The following DNASE2B variants were observed in gnomAD, a reference collection of about 807,000 sequenced individuals.
DNASE2B encodes deoxyribonuclease 2 beta.
Under a neutral mutation model 46.0 loss-of-function variants are expected in DNASE2B, and 43 were observed. The ratio of observed to expected loss-of-function variants is 0.94; its 90% CI spans 0.73 to 1.21. The LOEUF is 1.21. Ranked by LOEUF, DNASE2B falls within the 50% of genes most tolerant of loss-of-function variation. The pLI, the probability that DNASE2B is intolerant of heterozygous loss-of-function variation, is 0.00. For synonymous variants in DNASE2B, 156 were observed against 152.5 expected (o/e 1.02, Z -0.17); for missense variants, 395 against 414.4 (o/e 0.95, Z 0.41).
rs1680660017 is a variant in DNASE2B, at chr1:84,414,572, T to C, written c.790T>C (p.Leu264=). Residue 264 remains leucine (L), a synonymous_variant, in exon 6 of 6, where the codon TTA becomes CTA. Transcript: ENST00000370665. The part of the protein sequence containing the change: ...WMAQRLKTHL[L]TETWQRKRQE... The stretch of plus-strand genomic sequence containing the variant: ...GGCTCAACGGCTGAAGACACACTTG[T>C]TAACAGAAACCTGGCAGCGAAAAAG... 5.0e-6 allele frequency: 8 copies of C among 1,614,024 alleles called. No homozygotes were observed. The highest frequency in any genetic ancestry group is 6.8e-6 in the Non-Finnish European group (8 of 1,179,958).
intron 2 of DNASE2B, among the ~76,000 whole-genome samples, chr1:84,406,610 T>TG (rs1271616389): frequency 1.3e-5 from 2 of 152,158 alleles, no homozygotes; most frequent in Non-Finnish European, 2.9e-5. Context: ...TGATTGGTTC[T>TG]GGGGGGAAAA....
At chr1:84,407,098 C>T (rs1179583791) in intron 2 of DNASE2B, among the ~76,000 whole-genome samples, 1 of 152,220 alleles carries the variant, frequency 6.6e-6, no homozygotes, top group South Asian at 2.1e-4. Flanking sequence ...CATCTACCTA[C>T]TCTTAAGTCC....
chr1:84,401,006 C>T (rs772451628), intron 1 of DNASE2B, among the ~76,000 whole-genome samples: 9 of 152,048 alleles, frequency 5.9e-5, no homozygotes, highest in Non-Finnish European at 1.3e-4. Context: ...GTTTGTGACA[C>T]TGTTGTATGG....
intron 2 of DNASE2B, among the ~76,000 whole-genome samples, chr1:84,405,515 T>A (rs1450273482): frequency 2.6e-5 from 4 of 152,200 alleles, no homozygotes; most frequent in African/African-American, 9.6e-5. Flanking sequence ...CATCTTCTTA[T>A]AATGTCATGA....
At chr1:84,410,636 G>C (rs1558502623) in intron 3 of DNASE2B, among the ~76,000 whole-genome samples, 1 of 152,112 alleles carries the variant, frequency 6.6e-6, no homozygotes, top group Non-Finnish European at 1.5e-5. Flanking sequence ...TTTCGTGGTG[G>C]CTTTTTATCA....
chr1:84,410,492 T>C (rs1680569152), intron 3 of DNASE2B, among the ~76,000 whole-genome samples: 2 of 152,222 alleles, frequency 1.3e-5, no homozygotes, highest in African/African-American at 4.8e-5. Context: ...ATCTAAATCT[T>C]GCTAGGTGAC....
chr1:84,412,522 G>C lies in DNASE2B; in HGVS notation c.721G>C (p.Ala241Pro), dbSNP rs1290565928. ...SAQGQKFLHFAKSDSFLDDIF... is the reference protein window; with the variant it reads ...SAQGQKFLHFPKSDSFLDDIF... ...CCAGGGACAAAAATTCCTCCATTTT[G>C]CAAAGTCGGATTCTTTTCTTGACGG... The change falls in exon 5 of 6, where the codon GCA becomes CCA. Residue 241 changes from alanine to proline, a missense_variant. Ala to Pro is a conservative substitution (Grantham distance 27, BLOSUM62 -1). Transcript: ENST00000370665. 3.1e-6 allele frequency: 5 copies of C among 1,611,288 alleles called. No homozygotes were observed. The highest frequency in any genetic ancestry group is 4.2e-6 in the Non-Finnish European group (5 of 1,178,700).
At chr1:84,402,770 A>G (rs1680442808) in intron 2 of DNASE2B, among the ~76,000 whole-genome samples, 1 of 152,226 alleles carries the variant, frequency 6.6e-6, no homozygotes, top group African/African-American at 2.4e-5. Flanking sequence ...AGGAGTGGCA[A>G]GTAAAATCAA....
chr1:84,408,330 G>A, intron 2 of DNASE2B, 107 bp from the exon 3 acceptor site: 1 of 1,369,546 alleles, frequency 7.3e-7, no homozygotes, highest in South Asian at 2.0e-5. Flanking sequence ...GACTTCTCAT[G>A]TGTATTAATG....
chr1:84,401,031 T>C (rs1680394315), intron 1 of DNASE2B, among the ~76,000 whole-genome samples: 1 of 152,156 alleles, frequency 6.6e-6, no homozygotes, highest in Admixed American at 6.5e-5. Flanking sequence ...AGTGTATATA[T>C]TATAATGTTT....
At chr1:84,402,807 ATG>A (rs777149575) in intron 2 of DNASE2B, among the ~76,000 whole-genome samples, 20 of 152,232 alleles carry the variant, frequency 1.3e-4, no homozygotes, top group Non-Finnish European at 2.6e-4. Flanking sequence ...AATTATACTC[ATG>A]TATGCATTTC....
chr1:84,408,185 C>A, intron 2 of DNASE2B: 1 of 321,372 alleles, frequency 3.1e-6, no homozygotes, highest in Non-Finnish European at 5.2e-6. Context: ...ATTGCCCTCA[C>A]ACACAGATCA....
chr1:84,412,068 G>A (rs1173633036), intron 4 of DNASE2B, among the ~76,000 whole-genome samples: 1 of 152,150 alleles, frequency 6.6e-6, no homozygotes, highest in Non-Finnish European at 1.5e-5. Flanking sequence ...ATAAAGTAAA[G>A]ATAATGATAA....
At chr1:84,403,403 GA>G (rs1196003112) in intron 2 of DNASE2B, among the ~76,000 whole-genome samples, 1 of 152,152 alleles carries the variant, frequency 6.6e-6, no homozygotes, top group East Asian at 1.9e-4. Context: ...GTAAGCTAGA[GA>G]AAGGAAAATG....
intron 2 of DNASE2B, 120 bp downstream of exon 2, chr1:84,402,198 G>C: frequency 2.1e-6 from 2 of 935,534 alleles, no homozygotes; most frequent in Non-Finnish European, 1.5e-6. Flanking sequence ...CTTGAAGTGA[G>C]CTAGCTCAGG....
chr1:84,400,416 T>TC (rs1680384806), intron 1 of DNASE2B, among the ~76,000 whole-genome samples: 1 of 152,040 alleles, frequency 6.6e-6, no homozygotes, highest in Admixed American at 6.6e-5. Context: ...AGAAATAATT[T>TC]TAGGCTTCTG....
At chr1:84,406,613 G>A (rs771987104) in intron 2 of DNASE2B, among the ~76,000 whole-genome samples, 1 of 152,194 alleles carries the variant, frequency 6.6e-6, no homozygotes, top group South Asian at 2.1e-4. Context: ...TTGGTTCTGG[G>A]GGGAAAATGA....
At chr1:84,399,625 G>C (rs776507131) in intron 1 of DNASE2B, among the ~76,000 whole-genome samples, 3 of 151,970 alleles carry the variant, frequency 2.0e-5, no homozygotes, top group Non-Finnish European at 4.4e-5. Flanking sequence ...GAGCATCTCA[G>C]GCCAATGAAG....
intron 5 of DNASE2B, among the ~76,000 whole-genome samples, chr1:84,414,227 C>T (rs930317848): frequency 1.1e-4 from 16 of 152,150 alleles, no homozygotes; most frequent in South Asian, 2.1e-4. Flanking sequence ...CTTCTCTAGA[C>T]TAATTTTTTC....
Sources: allele counts gnomAD v4.1 joint callset (sites outside exome capture counted in the v4.1 genomes callset), GRCh38; gene constraint gnomAD v4.1.1; transcripts MANE v1.5; gene names NCBI Gene and HGNC (gene_info 2026-07-23, HGNC 2026-07-21).